The following FHIT variants were observed in gnomAD, a reference collection of about 807,000 sequenced individuals.
The protein encoded by FHIT is bis(5'-adenosyl)-triphosphatase.
FHIT carries 19 observed loss-of-function variants against 17.9 expected under a neutral mutation model. The ratio of observed to expected loss-of-function variants is 1.06; its 90% CI spans 0.74 to 1.56. The LOEUF (loss-of-function observed/expected upper bound fraction) is 1.56. Ranked by LOEUF, FHIT falls within the 40% of genes most tolerant of loss-of-function variation. The pLI is 0.00. For missense variants in FHIT, 248 were observed against 189.2 expected (o/e 1.31, Z -1.82); for synonymous variants, 81 against 69.7 (o/e 1.16, Z -0.81).
chr3:60,525,315 C>T (rs2035531008), intron 5 of FHIT, among the ~76,000 whole-genome samples: 1 of 152,148 alleles, frequency 6.6e-6, no homozygotes, highest in Admixed American at 6.5e-5. Context: ...CTCTACCTAA[C>T]CATCCTGTTT....
At chr3:60,523,115 C>T (rs2035437140) in intron 5 of FHIT, among the ~76,000 whole-genome samples, 1 of 152,048 alleles carries the variant, frequency 6.6e-6, no homozygotes, top group Non-Finnish European at 1.5e-5. Flanking sequence ...GGAAACCATC[C>T]CTGTGATTCA....
At chr3:60,400,380 A>G (rs1701615875) in intron 5 of FHIT, among the ~76,000 whole-genome samples, 1 of 152,120 alleles carries the variant, frequency 6.6e-6, no homozygotes, top group Non-Finnish European at 1.5e-5. Flanking sequence ...AGCTCCATAT[A>G]AGAGGGTGGC....
intron 5 of FHIT, among the ~76,000 whole-genome samples, chr3:60,053,079 C>T: frequency 6.6e-6 from 1 of 151,808 alleles, no homozygotes; most frequent in East Asian, 1.9e-4. Context: ...ATAAGAATGC[C>T]AAGCTCCATC....
chr3:60,429,403 C>A (rs2107289751), intron 5 of FHIT, among the ~76,000 whole-genome samples: 1 of 151,928 alleles, frequency 6.6e-6, no homozygotes, highest in East Asian at 1.9e-4. Flanking sequence ...AATATGGAGA[C>A]AAAATTCAAA....
At chr3:61,172,455 T>C (rs955718134) in intron 2 of FHIT, among the ~76,000 whole-genome samples, 1 of 152,174 alleles carries the variant, frequency 6.6e-6, no homozygotes, top group African/African-American at 2.4e-5. Context: ...CAATGGTTAC[T>C]GCCCAGAGGG....
chr3:59,968,983 T>C (rs1422630202), intron 7 of FHIT, among the ~76,000 whole-genome samples: 1 of 152,180 alleles, frequency 6.6e-6, no homozygotes, highest in Non-Finnish European at 1.5e-5. Context: ...TTGCTGAGCA[T>C]CATCACAGTC....
intron 3 of FHIT, among the ~76,000 whole-genome samples, chr3:60,904,802 C>A (rs375769334): frequency 6.6e-6 from 1 of 151,478 alleles, no homozygotes; most frequent in East Asian, 2.0e-4. Context: ...CAGCCAGGCA[C>A]GGTGGCAGGC....
At chr3:59,956,680 G>C (rs1707418227) in intron 7 of FHIT, among the ~76,000 whole-genome samples, 2 of 152,026 alleles carry the variant, frequency 1.3e-5, no homozygotes, top group Non-Finnish European at 2.9e-5. Context: ...ATAAAAAAAA[G>C]ACAATCTCCT....
At chr3:60,091,233 C>A (rs567348276) in intron 5 of FHIT, among the ~76,000 whole-genome samples, 18 of 152,314 alleles carry the variant, frequency 1.2e-4, no homozygotes, top group African/African-American at 4.3e-4. Flanking sequence ...TTTCTGAACT[C>A]TCCTAAAGCC....
intron 4 of FHIT, among the ~76,000 whole-genome samples, chr3:60,590,576 T>C (rs1187677051): frequency 6.6e-6 from 1 of 152,162 alleles, no homozygotes; most frequent in African/African-American, 2.4e-5. Flanking sequence ...GTTTTAGAGG[T>C]GGCTGCCTTG....
At chr3:60,990,925 G>C (rs899703327) in intron 3 of FHIT, among the ~76,000 whole-genome samples, 1 of 152,128 alleles carries the variant, frequency 6.6e-6, no homozygotes, top group Admixed American at 6.6e-5. Flanking sequence ...GGCAATACCC[G>C]TTTGAGTACC....
intron 2 of FHIT, among the ~76,000 whole-genome samples, chr3:61,125,936 A>G (rs2036593037): frequency 6.6e-6 from 1 of 152,186 alleles, no homozygotes; most frequent in Admixed American, 6.5e-5. Context: ...TGAAGTAGGT[A>G]TTACCTATCC....
intron 8 of FHIT, among the ~76,000 whole-genome samples, chr3:59,862,846 G>A (rs1235313473): frequency 6.6e-6 from 1 of 151,130 alleles, no homozygotes; most frequent in Admixed American, 6.6e-5. Context: ...CAAGAGCAAA[G>A]GAGCCTGGGT....
chr3:61,018,376 A>G lies in FHIT; in HGVS notation c.-111+23671T>C, dbSNP rs2032229753. Among the ~76,000 whole-genome samples, 4 of 152,314 alleles carry G rather than the reference A, an allele frequency of 2.6e-5. 1 individual carries two copies. The South Asian group carries it at 8.3e-4, about 32-fold the overall frequency. On this transcript the variant is annotated intron_variant, in intron 3 of 9. Coordinates refer to ENST00000492590, the MANE Select transcript of FHIT (RefSeq NM_002012.4). The stretch of plus-strand genomic sequence containing the variant: ...TCACTTCTGAGCAAATAGCAAACCA[A>G]CTTGCTGTTGGGAATTTAAGTGTCA...
At chr3:60,602,735 G>A (rs1163453583) in intron 4 of FHIT, among the ~76,000 whole-genome samples, 4 of 152,150 alleles carry the variant, frequency 2.6e-5, no homozygotes, top group Admixed American at 2.0e-4. Flanking sequence ...AAATTCATAT[G>A]TTGAAATCCT....
intron 8 of FHIT, among the ~76,000 whole-genome samples, chr3:59,912,181 G>A (rs947173021): frequency 6.6e-6 from 1 of 152,254 alleles, no homozygotes; most frequent in East Asian, 1.9e-4. Context: ...TCATATCACA[G>A]TCTCCCTCCA....
At chr3:61,211,535 A>T (rs1388638309) in intron 1 of FHIT, among the ~76,000 whole-genome samples, 1 of 152,212 alleles carries the variant, frequency 6.6e-6, no homozygotes, top group South Asian at 2.1e-4. Flanking sequence ...CCACATCTCA[A>T]GGAGGCCTGC....
chr3:60,745,870 G>A (rs1553715225), intron 4 of FHIT, among the ~76,000 whole-genome samples: 1 of 152,124 alleles, frequency 6.6e-6, no homozygotes, highest in African/African-American at 2.4e-5. Flanking sequence ...CTCATCCCCA[G>A]CAGCAAGGTA....
intron 5 of FHIT, among the ~76,000 whole-genome samples, chr3:60,279,620 A>G (rs1489873424): frequency 1.3e-5 from 2 of 152,166 alleles, no homozygotes; most frequent in East Asian, 3.8e-4. Context: ...TAAAAGAAAG[A>G]AAAACTAGAA....
Sources: gnomAD v4.1 joint callset for allele counts (sites outside exome capture counted in the v4.1 genomes callset) on GRCh38, gnomAD v4.1.1 for gene constraint, MANE v1.5 for transcripts, NCBI Gene and HGNC (gene_info 2026-07-23, HGNC 2026-07-21) for gene names.